Variants in ADGRL2 observed in about 807,000 individuals in gnomAD.
The protein encoded by ADGRL2 is adhesion G protein-coupled receptor L2.
A neutral mutation model predicts 157.4 loss-of-function variants in ADGRL2; 44 were observed. The observed-to-expected ratio is 0.28, with a 90% CI of 0.22 to 0.36. The LOEUF (loss-of-function observed/expected upper bound fraction) is 0.36, where lower values mean the gene tolerates loss of function less well. Among genes scored for constraint, ADGRL2 ranks in the 10% least tolerant of loss-of-function variants. ADGRL2 has a pLI of 1.00. For synonymous variants in ADGRL2, 585 were observed against 624.7 expected (o/e 0.94, Z 0.95); for missense variants, 1,510 against 1,768.9 (o/e 0.85, Z 2.63).
intron 1 of ADGRL2, among the ~76,000 whole-genome samples, chr1:81,813,648 A>G (rs924193672): frequency 2.0e-5 from 3 of 151,930 alleles, no homozygotes; most frequent in Admixed American, 2.0e-4. Context: ...ACAAAAGTAT[A>G]CAAATGCTTC....
At chr1:81,630,092 A>G (rs2081984491) in intron 3 of ADGRL2, among the ~76,000 whole-genome samples, 3 of 152,110 alleles carry the variant, frequency 2.0e-5, no homozygotes, top group Admixed American at 2.0e-4. Context: ...TTGCACATAC[A>G]TATATCTAGT....
At chr1:81,711,667 A>ATTTTGGTT (rs2083934528) in intron 1 of ADGRL2, among the ~76,000 whole-genome samples, 1 of 152,210 alleles carries the variant, frequency 6.6e-6, no homozygotes, top group African/African-American at 2.4e-5. Flanking sequence ...GTTTGGTGCC[A>ATTTTGGTT]CAGTTTTAAT....
At chr1:81,904,520 G>T (rs2094549461) in intron 2 of ADGRL2, among the ~76,000 whole-genome samples, 1 of 152,148 alleles carries the variant, frequency 6.6e-6, no homozygotes, top group African/African-American at 2.4e-5. Flanking sequence ...CATCTGGTGA[G>T]GGCCTCATGC....
intron 2 of ADGRL2, among the ~76,000 whole-genome samples, chr1:81,772,103 A>C (rs906798441): frequency 7.9e-5 from 12 of 151,968 alleles, no homozygotes; most frequent in Admixed American, 7.9e-4. Context: ...TACAAACATT[A>C]GCTGGGCATA....
At chr1:81,626,639 AAC>A (rs1158059344) in intron 3 of ADGRL2, among the ~76,000 whole-genome samples, 2 of 152,170 alleles carry the variant, frequency 1.3e-5, no homozygotes, top group African/African-American at 4.8e-5. Context: ...AACATGTAAA[AAC>A]ACACGCGGGC....
At chr1:81,503,193 G>C in intron 2 of ADGRL2, 1 of 1,614,188 alleles carries the variant, frequency 6.2e-7, no homozygotes, top group East Asian at 2.2e-5. Flanking sequence ...TGAAGATCAG[G>C]ATCAACGGCA....
chr1:81,769,737 G>T (rs1027057591), intron 2 of ADGRL2, among the ~76,000 whole-genome samples: 2 of 152,072 alleles, frequency 1.3e-5, no homozygotes, highest in African/African-American at 2.4e-5. Flanking sequence ...ATTGAAATTT[G>T]TTAGTATGTA....
At chr1:81,508,693 C>T (rs1557744712) in intron 2 of ADGRL2, among the ~76,000 whole-genome samples, 1 of 152,182 alleles carries the variant, frequency 6.6e-6, no homozygotes, top group Non-Finnish European at 1.5e-5. Flanking sequence ...ACCCATGAGG[C>T]CAGCCCTGCC....
At chr1:81,310,622 C>T (rs1371610063) in intron 1 of ADGRL2, among the ~76,000 whole-genome samples, 1 of 152,182 alleles carries the variant, frequency 6.6e-6, no homozygotes, top group East Asian at 1.9e-4. Flanking sequence ...CAACCTCTAT[C>T]TGCTGGCAGG....
At chr1:81,582,129 A>G (rs2080928080) in intron 3 of ADGRL2, among the ~76,000 whole-genome samples, 1 of 152,032 alleles carries the variant, frequency 6.6e-6, no homozygotes, top group Non-Finnish European at 1.5e-5. Context: ...CTAAGACAGG[A>G]GAATCATTTG....
intron 1 of ADGRL2, among the ~76,000 whole-genome samples, chr1:81,365,443 C>T (rs1300940215): frequency 6.6e-6 from 1 of 152,140 alleles, no homozygotes; most frequent in East Asian, 1.9e-4. Context: ...TCCCTCAAGT[C>T]AGATATAAAC....
At chr1:81,895,978 T>G (rs960338099) in intron 2 of ADGRL2, among the ~76,000 whole-genome samples, 1 of 152,180 alleles carries the variant, frequency 6.6e-6, no homozygotes, top group Non-Finnish European at 1.5e-5. Context: ...TTCTGCATTT[T>G]TGCTTCTTAT....
intron 1 of ADGRL2, among the ~76,000 whole-genome samples, chr1:81,387,749 C>G (rs2076463388): frequency 6.6e-6 from 1 of 152,080 alleles, no homozygotes; most frequent in African/African-American, 2.4e-5. Context: ...TTAATTCTGC[C>G]TGGGAATACG....
At chr1:81,640,357 G>T (rs12064738) in intron 3 of ADGRL2, among the ~76,000 whole-genome samples, 2 of 151,726 alleles carry the variant, frequency 1.3e-5, no homozygotes, top group African/African-American at 4.8e-5. Context: ...TTATAGGGCC[G>T]GGCGCGGTGG....
rs559494280 is a variant in ADGRL2, at chr1:81,519,994, C to G, written c.-247-60882C>G. ...TTGGGCTTCTTGAAAATCACTTCCT[C>G]AAGTCTTTTTTAATTTTCTTTTTTC... On this transcript the variant is annotated intron_variant, in intron 2 of 24. Transcript: ENST00000370721. Among the ~76,000 whole-genome samples the G allele has an allele frequency of 3.3e-5, 5 of 152,246 alleles. No homozygotes were observed. The East Asian group carries it at 7.7e-4, about 24-fold the overall frequency.
At chr1:81,499,991 A>G (rs2078811596) in intron 2 of ADGRL2, among the ~76,000 whole-genome samples, 1 of 152,148 alleles carries the variant, frequency 6.6e-6, no homozygotes, top group Non-Finnish European at 1.5e-5. Context: ...AGAATGAATG[A>G]TATATCCTTA....
intron 2 of ADGRL2, among the ~76,000 whole-genome samples, chr1:81,847,388 A>G (rs552151612): frequency 5.9e-5 from 9 of 152,052 alleles, no homozygotes; most frequent in Admixed American, 3.9e-4. Context: ...TAATGTCTGT[A>G]TTAGGGAGTT....
At chr1:81,389,334 A>G (rs1390617778) in intron 1 of ADGRL2, among the ~76,000 whole-genome samples, 1 of 152,182 alleles carries the variant, frequency 6.6e-6, no homozygotes, top group Non-Finnish European at 1.5e-5. Context: ...ACAAGTAAAT[A>G]AAAAGACAAA....
chr1:81,832,890 G>C (rs1311279233), intron 1 of ADGRL2, among the ~76,000 whole-genome samples: 1 of 152,142 alleles, frequency 6.6e-6, no homozygotes, highest in Non-Finnish European at 1.5e-5. Flanking sequence ...TGTTAAGAAG[G>C]GGAAATCTAG....
Sources: gnomAD v4.1 joint callset for allele counts (sites outside exome capture counted in the v4.1 genomes callset) on GRCh38, gnomAD v4.1.1 for gene constraint, MANE v1.5 for transcripts, NCBI Gene and HGNC (gene_info 2026-07-23, HGNC 2026-07-21) for gene names.